Variants in PCDHA4 observed in about 807,000 individuals in gnomAD.
The protein encoded by PCDHA4 is protocadherin alpha 4.
PCDHA4 carries 49 observed loss-of-function variants against 61.4 expected under a neutral mutation model. The ratio of observed to expected loss-of-function variants is 0.80; its 90% CI spans 0.63 to 1.01. The LOEUF (loss-of-function observed/expected upper bound fraction) is 1.01, where lower values mean the gene tolerates loss of function less well. Among genes scored for constraint, PCDHA4 ranks in the 50% least tolerant of loss-of-function variants. The pLI is 0.00. For missense variants in PCDHA4, 1,254 were observed against 1,235.8 expected (o/e 1.01, Z -0.22); for synonymous variants, 590 against 550.3 (o/e 1.07, Z -1.01).
At chr5:140,940,894 T>G (rs1364224332) in intron 1 of PCDHA4, among the ~76,000 whole-genome samples, 1 of 152,240 alleles carries the variant, frequency 6.6e-6, no homozygotes, top group Non-Finnish European at 1.5e-5. Flanking sequence ...AGTAAACCAC[T>G]TTAAATCAAG....
At chr5:140,818,942 C>T (rs913130699) in intron 1 of PCDHA4, among the ~76,000 whole-genome samples, 2 of 152,188 alleles carry the variant, frequency 1.3e-5, no homozygotes. Context: ...TTGACATGAA[C>T]ATTGATATTC....
At position 140,913,388 on chromosome 5, in the gene PCDHA4, G is replaced by A. The variant is rs180918053; in HGVS notation, c.2386-65561G>A. On this transcript the variant is annotated intron_variant, in intron 1 of 3. Coordinates refer to ENST00000530339, the MANE Select transcript of PCDHA4 (RefSeq NM_018907.4). ...TATTGGCATATAGTGGCTCATCATAGCCACTAATGATCCTTTGAATTCCTG... is the reference window on the plus strand; with the variant it reads ...TATTGGCATATAGTGGCTCATCATAACCACTAATGATCCTTTGAATTCCTG... Among the ~76,000 whole-genome samples, 155 of 152,188 alleles carry A rather than the reference G, an allele frequency of 1.0e-3. 2 individuals are homozygous for A. The highest frequency in any genetic ancestry group is 3.7e-3 in the African/African-American group (152 of 41,534).
At chr5:140,905,211 G>T (rs1554191947) in intron 1 of PCDHA4, among the ~76,000 whole-genome samples, 1 of 152,130 alleles carries the variant, frequency 6.6e-6, no homozygotes, top group South Asian at 2.1e-4. Context: ...GTTGATTTTT[G>T]TGTAAGGTGA....
In PCDHA4 at chr5:140,855,793, CAT is replaced by C. The variant is rs1336692257; in HGVS notation, c.2385+46224_2385+46225del. On this transcript the variant is annotated intron_variant, in intron 1 of 3. Coordinates refer to ENST00000530339, the MANE Select transcript of PCDHA4 (RefSeq NM_018907.4). ...TAAAAATACGTAAAAAAAGAATTAA[CAT>C]ATGAATGAAAGAAAAGTTGTGAACT... 3.6e-4 allele frequency: 165 copies of C among 456,916 alleles called. 2 individuals are homozygous for C. The East Asian group carries it at 4.8e-3, about 13-fold the overall frequency. The allele number at this position is 456,916 out of a possible 1,614,324, so 28.3% of individuals were successfully genotyped here.
intron 1 of PCDHA4, among the ~76,000 whole-genome samples, chr5:140,959,874 A>G (rs1360001985): frequency 1.3e-5 from 2 of 152,236 alleles, no homozygotes; most frequent in Non-Finnish European, 2.9e-5. Flanking sequence ...AAATCTGTCA[A>G]GGAATACACG....
chr5:140,869,424 G>A, intron 1 of PCDHA4: 2 of 1,614,216 alleles, frequency 1.2e-6, no homozygotes, highest in African/African-American at 2.7e-5. Context: ...TCCACCTGGA[G>A]GTGATCGTGG....
chr5:140,820,216 G>C (rs1246951912), intron 1 of PCDHA4, among the ~76,000 whole-genome samples: 2 of 151,856 alleles, frequency 1.3e-5, no homozygotes, highest in African/African-American at 2.4e-5. Flanking sequence ...AAATATTAGT[G>C]AAAAGTCATG....
At chr5:140,969,957 G>A (rs1554232176) in intron 1 of PCDHA4, among the ~76,000 whole-genome samples, 1 of 152,178 alleles carries the variant, frequency 6.6e-6, no homozygotes, top group East Asian at 1.9e-4. Flanking sequence ...AGTTTGCTTT[G>A]GCTGTATGAT....
Position 141,010,175 on chromosome 5 carries a change from A to G in PCDHA4, c.*238A>G. The G allele has an allele frequency of 6.4e-7, 1 of 1,556,224 alleles. No homozygotes were observed. The highest frequency in any genetic ancestry group is 8.7e-7 in the Non-Finnish European group (1 of 1,149,078). On this transcript the variant is annotated 3_prime_UTR_variant, in exon 4 of 4. Coordinates refer to ENST00000530339, the MANE Select transcript of PCDHA4 (RefSeq NM_018907.4). ...TCTGGCTTGTTTTCAGAACCTAAAA[A>G]GCAGACCCAAGTTTCCTTTCTCCTC...
intron 1 of PCDHA4, chr5:140,927,184 G>A (rs781951426): frequency 1.2e-6 from 2 of 1,614,160 alleles, no homozygotes; most frequent in South Asian, 1.1e-5. Context: ...CTTGACCTAC[G>A]ACCTGGTGCT....
chr5:140,875,685 C>A (rs563250653), intron 1 of PCDHA4: 1 of 1,613,934 alleles, frequency 6.2e-7, no homozygotes, highest in East Asian at 2.2e-5. Context: ...CCAAAAGACA[C>A]GGGGACCTTC....
chr5:140,890,836 C>A (rs1189670490), intron 1 of PCDHA4, among the ~76,000 whole-genome samples: 1 of 151,884 alleles, frequency 6.6e-6, no homozygotes, highest in Admixed American at 6.6e-5. Flanking sequence ...ACATATTTAC[C>A]AGTTTTGTTT....
intron 1 of PCDHA4, among the ~76,000 whole-genome samples, chr5:140,855,676 T>G (rs1325964352): frequency 1.3e-5 from 2 of 149,550 alleles, no homozygotes; most frequent in Non-Finnish European, 3.0e-5. Context: ...ACTCTGAGAG[T>G]CTACATTTAA....
Position 140,852,809 on chromosome 5 carries a change from C to T in PCDHA4, c.2385+43237C>T, listed in dbSNP as rs1429984533. 2.4e-5 allele frequency: 23 copies of T among 974,514 alleles called. 1 individual carries two copies. The highest frequency in any genetic ancestry group is 6.3e-5 in the Admixed American group (1 of 15,844). 60.4% of individuals were successfully genotyped at this position (974,514 alleles called of 1,614,324 possible). A position where few individuals can be genotyped will look rare whatever the true frequency, so the allele number is the denominator to read the frequency against. On this transcript the variant is annotated intron_variant, in intron 1 of 3. Transcript: ENST00000530339. Reference sequence around the variant, plus strand: ...GGATGCTACAGATGTCATTTGTCTCCCGCCCTAAGTCCTCCAGTCTCCTTA... The same window carrying T: ...GGATGCTACAGATGTCATTTGTCTCTCGCCCTAAGTCCTCCAGTCTCCTTA...
At chr5:140,829,634 G>A (rs2150171830) in intron 1 of PCDHA4, 2 of 1,612,200 alleles carry the variant, frequency 1.2e-6, no homozygotes, top group African/African-American at 2.7e-5. Context: ...CGCGGAGAGC[G>A]GCAAGGTGTA....
intron 1 of PCDHA4, among the ~76,000 whole-genome samples, chr5:140,900,465 C>T (rs936722061): frequency 1.3e-5 from 2 of 152,156 alleles, no homozygotes; most frequent in Admixed American, 1.3e-4. Context: ...TTAGTAGACA[C>T]GGAGTTTCTC....
In PCDHA4 at chr5:140,969,225, C is replaced by T. The variant is rs782766938; in HGVS notation, c.2386-9724C>T. 22 of 1,614,118 alleles carry T rather than the reference C, an allele frequency of 1.4e-5. No homozygotes were observed. Among genetic ancestry groups the T allele is most frequent in the East Asian group, 1.3e-4 (6 of 44,872 alleles). Reference sequence around the variant, plus strand: ...GGGGCCCAGACAGGACCAGGGCCTTCGGGAGCCCAAGCAGCAGTGACTGAC... The same window carrying T: ...GGGGCCCAGACAGGACCAGGGCCTTTGGGAGCCCAAGCAGCAGTGACTGAC... On this transcript the variant is annotated intron_variant, in intron 1 of 3. Coordinates refer to ENST00000530339, the MANE Select transcript of PCDHA4 (RefSeq NM_018907.4).
chr5:140,877,649 C>T (rs369703340), intron 1 of PCDHA4: 4 of 1,613,556 alleles, frequency 2.5e-6, no homozygotes, highest in Middle Eastern at 1.7e-4. Context: ...TGCTCAGCGC[C>T]GCCCACCGTG....
Position 140,850,778 on chromosome 5 carries a change from C to T in PCDHA4, c.2385+41206C>T, listed in dbSNP as rs2150497829. On this transcript the variant is annotated intron_variant, in intron 1 of 3. Coordinates refer to ENST00000530339, the MANE Select transcript of PCDHA4 (RefSeq NM_018907.4). ...AGAGGAGGCAGAGGGTGTGCTCTGGCGAGGGTAAGCAGAAGACCGACCTCA... is the reference window on the plus strand; with the variant it reads ...AGAGGAGGCAGAGGGTGTGCTCTGGTGAGGGTAAGCAGAAGACCGACCTCA... 6 of 1,597,938 alleles carry T rather than the reference C, an allele frequency of 3.8e-6. No individual in the cohort carries two copies. The East Asian group carries it at 1.1e-4, about 30-fold the overall frequency.
Sources: allele counts gnomAD v4.1 joint callset (sites outside exome capture counted in the v4.1 genomes callset), GRCh38; gene constraint gnomAD v4.1.1; transcripts MANE v1.5; gene names NCBI Gene and HGNC (gene_info 2026-07-23, HGNC 2026-07-21).